CEP83: variants seen among roughly 807,000 people sequenced by gnomAD.
CEP83 encodes centrosomal protein 83, also known as centrosomal protein of 83 kDa.
A neutral mutation model predicts 101.9 loss-of-function variants in CEP83; 70 were observed. The observed-to-expected ratio is 0.69, with a 90% CI of 0.57 to 0.84. The LOEUF (loss-of-function observed/expected upper bound fraction) is 0.84, where lower values mean the gene tolerates loss of function less well. Ranked by LOEUF, CEP83 falls within the 40% of genes least tolerant of loss-of-function variation. The pLI, the probability that CEP83 is intolerant of heterozygous loss-of-function variation, is 0.00. For synonymous variants in CEP83, 264 were observed against 267.9 expected, an observed-to-expected ratio of 0.99 and a Z score of 0.14; for missense variants, 715 against 787.2, an observed-to-expected ratio of 0.91 and a Z score of 1.10.
intron 6 of CEP83, among the ~76,000 whole-genome samples, chr12:94,396,519 AC>A (rs1433719461): frequency 1.3e-5 from 2 of 151,480 alleles, no homozygotes; most frequent in African/African-American, 2.4e-5. Context: ...CGATCTCCTG[AC>A]CCCGTGATCC....
chr12:94,339,138 G>T (rs960777310), intron 11 of CEP83, among the ~76,000 whole-genome samples: 5 of 152,076 alleles, frequency 3.3e-5, no homozygotes, highest in African/African-American at 9.6e-5. Flanking sequence ...CTAATTTTTT[G>T]TATTTTTAGT....
At chr12:94,302,864 T>C (rs574474026), downstream of CEP83, among the ~76,000 whole-genome samples, 3 of 152,336 alleles carry the variant, frequency 2.0e-5, no homozygotes, top group Admixed American at 2.0e-4. Flanking sequence ...TCTCAATGCC[T>C]GCTCCAGTGC....
chr12:94,312,572 C>A (rs1211574322), intron 15 of CEP83: 4 of 985,246 alleles, frequency 4.1e-6, no homozygotes, highest in Non-Finnish European at 4.8e-6. Context: ...CAAAACTGAC[C>A]TTTGATTCAA....
intron 12 of CEP83, among the ~76,000 whole-genome samples, chr12:94,334,804 G>A (rs1268407958): frequency 6.6e-6 from 1 of 151,944 alleles, no homozygotes; most frequent in Admixed American, 6.6e-5. Context: ...TTTTTAACTG[G>A]AGTGGCAAAT....
chr12:94,399,594 G>A (rs928933448), intron 6 of CEP83, among the ~76,000 whole-genome samples: 1 of 152,066 alleles, frequency 6.6e-6, no homozygotes, highest in Admixed American at 6.5e-5. Context: ...TTAGCCAGGT[G>A]AGGTAGTACA....
chr12:94,328,162 T>C (rs1454000940), intron 14 of CEP83: 1 of 186,980 alleles, frequency 5.3e-6, no homozygotes, highest in African/African-American at 2.4e-5. Context: ...TAACAAGTTG[T>C]CATTTCAGGT....
chr12:94,411,851 G>GT lies in CEP83; in HGVS notation c.174-5dup, dbSNP rs753511833. The GT allele has an allele frequency of 3.1e-4, 505 of 1,603,318 alleles. No homozygotes were observed. Among genetic ancestry groups the GT allele is most frequent in the Non-Finnish European group, 3.8e-4 (446 of 1,175,636 alleles). ...CTTTACATGTTCATTCTGCAACCTG[G>GT]TTTTTTTTAAAGAGAATTCAATTTT... On this transcript the variant is annotated splice_polypyrimidine_tract_variant and splice_region_variant and intron_variant, in intron 3 of 16. Transcript: ENST00000397809.
intron 2 of CEP83, 121 bp downstream of exon 2, chr12:94,435,154 C>T (rs570268523): frequency 1.5e-4 from 23 of 152,302 alleles, no homozygotes; most frequent in African/African-American, 5.1e-4. Context: ...GCTTATGAAT[C>T]CCCCTCTACT....
intron 1 of CEP83, among the ~76,000 whole-genome samples, chr12:94,455,011 A>ATC (rs573535511): frequency 3.1e-4 from 47 of 151,918 alleles, no homozygotes; most frequent in African/African-American, 1.1e-3. Flanking sequence ...ACATCTGAAC[A>ATC]TCTGAAGGAA....
At chr12:94,438,476 T>C (rs2066162967) in intron 1 of CEP83, among the ~76,000 whole-genome samples, 1 of 152,130 alleles carries the variant, frequency 6.6e-6, no homozygotes, top group African/African-American at 2.4e-5. Context: ...GATAAAAGGA[T>C]TAGTCCAACA....
At chr12:94,303,732 C>CTTTTT, downstream of CEP83, 4 of 843,764 alleles carry the variant, frequency 4.7e-6, no homozygotes, top group Non-Finnish European at 3.1e-6. Context: ...GTGATGGTTG[C>CTTTTT]TTTTTTTTTT....
chr12:94,456,370 T>C (rs1418264271), intron 1 of CEP83, among the ~76,000 whole-genome samples: 1 of 152,218 alleles, frequency 6.6e-6, no homozygotes, highest in Non-Finnish European at 1.5e-5. Context: ...TACTCTCTTC[T>C]CTCAACAACC....
intron 4 of CEP83, among the ~76,000 whole-genome samples, chr12:94,408,611 G>A (rs762321969): frequency 1.3e-5 from 2 of 151,694 alleles, no homozygotes; most frequent in Non-Finnish European, 2.9e-5. Flanking sequence ...TCAGGGTCTC[G>A]CGCTGTTGCC....
intron 11 of CEP83, among the ~76,000 whole-genome samples, chr12:94,365,682 T>C (rs2060985460): frequency 6.7e-6 from 1 of 150,246 alleles, no homozygotes; most frequent in African/African-American, 2.5e-5. Flanking sequence ...GAGAATCACT[T>C]GAATCCCAGA....
At chr12:94,368,863 T>G (rs1457299218) in intron 9 of CEP83, 1 of 152,078 alleles carries the variant, frequency 6.6e-6, no homozygotes, top group Non-Finnish European at 1.5e-5. Context: ...TTGGAAAAAA[T>G]CATTCATAGC....
the CEP83 span, among the ~76,000 whole-genome samples, chr12:94,289,264 A>G: frequency 1.3e-5 from 2 of 152,138 alleles, no homozygotes; most frequent in African/African-American, 2.4e-5. Flanking sequence ...AGTGATTACA[A>G]CTTCTCATTC....
rs2137014603 is a variant in CEP83, at chr12:94,368,050, T to G, written c.1193+7A>C. 1 of 1,611,072 alleles carries G rather than the reference T, an allele frequency of 6.2e-7. No homozygotes were observed. Among genetic ancestry groups the G allele is most frequent in the South Asian group, 1.1e-5 (1 of 90,502 alleles). ...TTTAAGTCAAACTAAGGTAATTAAG[T>G]ACTTACTTTTCATCTTGTAATACCA... On this transcript the variant is annotated splice_region_variant and intron_variant, in intron 10 of 16. Transcript: ENST00000397809.
At chr12:94,375,184 A>G (rs567194229) in intron 8 of CEP83, among the ~76,000 whole-genome samples, 1 of 152,266 alleles carries the variant, frequency 6.6e-6, no homozygotes, top group East Asian at 1.9e-4. Context: ...CCAAATAACT[A>G]TATCAGATAG....
At chr12:94,403,052 G>T in intron 5 of CEP83, 118 bp downstream of exon 5, 1 of 593,294 alleles carries the variant, frequency 1.7e-6, no homozygotes, top group Non-Finnish European at 3.0e-6. Context: ...AGAGGCCACT[G>T]CAATGACTGA....
Sources: gnomAD v4.1 joint callset for allele counts (sites outside exome capture counted in the v4.1 genomes callset) on GRCh38, gnomAD v4.1.1 for gene constraint, MANE v1.5 for transcripts, NCBI Gene and HGNC (gene_info 2026-07-23, HGNC 2026-07-21) for gene names.